Variants in TMEM178B observed in about 807,000 individuals in gnomAD.
The protein encoded by TMEM178B is transmembrane protein 178B.
Under a neutral mutation model 31.0 loss-of-function variants are expected in TMEM178B, and 5 were observed. The ratio of observed to expected loss-of-function variants is 0.16; its 90% CI spans 0.08 to 0.34. The LOEUF (loss-of-function observed/expected upper bound fraction) is 0.34. Ranked by LOEUF, TMEM178B falls within the 10% of genes least tolerant of loss-of-function variation. The pLI is 1.00. For synonymous variants in TMEM178B, 164 were observed against 164.0 expected (o/e 1.00, Z 0.00); for missense variants, 275 against 400.3 (o/e 0.69, Z 2.67).
intron 2 of TMEM178B, among the ~76,000 whole-genome samples, chr7:141,378,149 C>T (rs1800252499): frequency 6.6e-6 from 1 of 152,082 alleles, no homozygotes. Flanking sequence ...TGTAGAACGT[C>T]CCTCATTTTA....
At chr7:141,453,728 G>A (rs1197485640) in intron 3 of TMEM178B, among the ~76,000 whole-genome samples, 1 of 152,188 alleles carries the variant, frequency 6.6e-6, no homozygotes, top group Non-Finnish European at 1.5e-5. Flanking sequence ...GCCCCTCGAA[G>A]GGCTTTCAAT....
intron 1 of TMEM178B, among the ~76,000 whole-genome samples, chr7:141,194,396 C>G (rs1796745979): frequency 6.6e-6 from 1 of 152,104 alleles, no homozygotes; most frequent in South Asian, 2.1e-4. Flanking sequence ...GAGAAATTGG[C>G]CAAAACAAGG....
chr7:141,180,478 AAAAAAG>A (rs1233115149), intron 1 of TMEM178B, among the ~76,000 whole-genome samples: 4 of 151,482 alleles, frequency 2.6e-5, no homozygotes, highest in African/African-American at 4.8e-5. Flanking sequence ...AAAAAAAAAA[AAAAAAG>A]AAAGAAAGAA....
intron 1 of TMEM178B, among the ~76,000 whole-genome samples, chr7:141,137,370 A>G (rs1795691990): frequency 6.6e-6 from 1 of 152,232 alleles, no homozygotes; most frequent in African/African-American, 2.4e-5. Context: ...GCAATGAAAT[A>G]CTATTCAGCC....
chr7:141,311,059 A>C (rs545565797), intron 2 of TMEM178B, among the ~76,000 whole-genome samples: 1 of 152,354 alleles, frequency 6.6e-6, no homozygotes, highest in East Asian at 1.9e-4. Flanking sequence ...CAGAAAAACA[A>C]ACACTGCATG....
intron 2 of TMEM178B, among the ~76,000 whole-genome samples, chr7:141,293,842 T>C (rs1408224358): frequency 6.6e-6 from 1 of 152,170 alleles, no homozygotes; most frequent in Non-Finnish European, 1.5e-5. Flanking sequence ...GAGTAGGAAG[T>C]CTTTATAAAC....
At chr7:141,122,851 G>A (rs1795431793) in intron 1 of TMEM178B, among the ~76,000 whole-genome samples, 1 of 152,150 alleles carries the variant, frequency 6.6e-6, no homozygotes, top group Non-Finnish European at 1.5e-5. Flanking sequence ...TAGCTATGAA[G>A]ATAACCATTA....
intron 2 of TMEM178B, among the ~76,000 whole-genome samples, chr7:141,238,424 G>A (rs1221668901): frequency 6.6e-6 from 1 of 152,184 alleles, no homozygotes; most frequent in Non-Finnish European, 1.5e-5. Context: ...CTGGCTTAGC[G>A]TGCGATAGAG....
chr7:141,096,069 T>C (rs765148997), intron 1 of TMEM178B, among the ~76,000 whole-genome samples: 1 of 152,248 alleles, frequency 6.6e-6, no homozygotes, highest in Non-Finnish European at 1.5e-5. Flanking sequence ...GAGGGGACTA[T>C]ACAACATGAT....
intron 2 of TMEM178B, among the ~76,000 whole-genome samples, chr7:141,279,211 G>C (rs755845046): frequency 6.6e-6 from 1 of 152,072 alleles, no homozygotes; most frequent in Non-Finnish European, 1.5e-5. Context: ...ATTTTCTCTG[G>C]TCCAAAGCAA....
intron 1 of TMEM178B, among the ~76,000 whole-genome samples, chr7:141,184,990 A>C (rs978558134): frequency 1.3e-5 from 2 of 152,188 alleles, no homozygotes; most frequent in Non-Finnish European, 2.9e-5. Flanking sequence ...ACACATCTAA[A>C]GCTCAGCGCA....
chr7:141,324,416 G>GTTTTT lies in TMEM178B; in HGVS notation c.496+111745_496+111749dup, dbSNP rs56316531. Among the ~76,000 whole-genome samples the GTTTTT allele has an allele frequency of 8.6e-4, 74 of 85,762 alleles. 16 individuals are homozygous for GTTTTT. The highest frequency in any genetic ancestry group is 1.1e-3 in the South Asian group (3 of 2,644). 56.3% of individuals were successfully genotyped at this position (85,762 alleles called of 152,430 possible). ...TGTGAGAGCAAGAGAGGAGACCAGG[G>GTTTTT]TTTTTTTTTTTTTTTTTTTTTTTTT... On this transcript the variant is annotated intron_variant, in intron 2 of 3. Transcript: ENST00000565468.
chr7:141,388,421 C>A (rs926520993), intron 2 of TMEM178B, among the ~76,000 whole-genome samples: 3 of 152,210 alleles, frequency 2.0e-5, no homozygotes, highest in African/African-American at 7.2e-5. Flanking sequence ...AAAGATTGAT[C>A]TACTTTCCTC....
chr7:141,454,588 C>CCTCTCTCTCCTCTCTCTT (rs1801928516), intron 3 of TMEM178B, among the ~76,000 whole-genome samples: 1 of 147,702 alleles, frequency 6.8e-6, no homozygotes, highest in Non-Finnish European at 1.5e-5. Flanking sequence ...TCCTCTCTCT[C>CCTCTCTCTCCTCTCTCTT]CTCTCTCTCC....
chr7:141,345,367 T>G (rs1471382319), intron 2 of TMEM178B, among the ~76,000 whole-genome samples: 2 of 152,236 alleles, frequency 1.3e-5, no homozygotes, highest in African/African-American at 2.4e-5. Flanking sequence ...AATTTGAGAT[T>G]GGTAGGAAAG....
At chr7:141,132,624 A>G (rs961159727) in intron 1 of TMEM178B, among the ~76,000 whole-genome samples, 3 of 152,096 alleles carry the variant, frequency 2.0e-5, no homozygotes, top group East Asian at 1.9e-4. Context: ...TGGTGCCCAC[A>G]TGTGCCACTT....
At chr7:141,134,460 C>T (rs1177863463) in intron 1 of TMEM178B, among the ~76,000 whole-genome samples, 2 of 152,036 alleles carry the variant, frequency 1.3e-5, no homozygotes, top group African/African-American at 4.8e-5. Context: ...AGTCCTACAT[C>T]TGGAAATGAA....
At position 141,344,610 on chromosome 7, in the gene TMEM178B, T is replaced by TCCTC. The variant is rs1799583797; in HGVS notation, c.497-92995_497-92994insCCCT. 7.2e-6 allele frequency among the ~76,000 whole-genome samples: 1 copy of TCCTC among 138,354 alleles called. No homozygotes were observed. The allele number at this position is 138,354 out of a possible 152,430, so 90.8% of individuals were successfully genotyped here. ...TTCCTTCCTTCCTTCCTTCCTTCCT[T>TCCTC]CCTTCCTTCCTTCCTTCCTCCCTTC... On this transcript the variant is annotated intron_variant, in intron 2 of 3. Coordinates refer to ENST00000565468, the MANE Select transcript of TMEM178B (RefSeq NM_001195278.2). This position sits in a 1 kb window ranked among gnomAD's most constrained non-coding sequence, Gnocchi z 4.1.
At chr7:141,411,001 G>A (rs1800977217) in intron 2 of TMEM178B, among the ~76,000 whole-genome samples, 1 of 152,178 alleles carries the variant, frequency 6.6e-6, no homozygotes, top group Non-Finnish European at 1.5e-5. Flanking sequence ...AGGCATATGA[G>A]TGGTTGAATG....
Sources: gnomAD v4.1 joint callset for allele counts (sites outside exome capture counted in the v4.1 genomes callset) on GRCh38, gnomAD v4.1.1 for gene constraint, Gnocchi (gnomAD v3.1) non-coding constraint, MANE v1.5 for transcripts, NCBI Gene and HGNC (gene_info 2026-07-23, HGNC 2026-07-21) for gene names.